Variants in HERC1 observed in about 807,000 individuals in gnomAD.
HERC1 encodes the protein probable E3 ubiquitin-protein ligase HERC1.
In HERC1, 160 loss-of-function variants were observed where a neutral mutation model predicts 554.3. That is an observed-to-expected ratio of 0.29 (90% CI 0.25 to 0.33). The LOEUF (loss-of-function observed/expected upper bound fraction) is 0.33. Ranked by LOEUF, HERC1 falls within the 10% of genes least tolerant of loss-of-function variation. The pLI is 1.00. For missense variants in HERC1, 4,919 were observed against 5,918.5 expected (o/e 0.83, Z 5.54); for synonymous variants, 2,175 against 2,131.7 (o/e 1.02, Z -0.56).
chr15:63,656,721 C>T lies in HERC1; in HGVS notation c.9600-363G>A, dbSNP rs188498894. Among the ~76,000 whole-genome samples the T allele has an allele frequency of 7.2e-5, 11 of 152,290 alleles. No individual in the cohort carries two copies. The East Asian group carries it at 1.9e-3, about 27-fold the overall frequency. ...ACCTGCTTTGGGCTTTTCTCAGTCA[C>T]GATGCTCTCAGAAGTAACCACTATC... On this transcript the variant is annotated intron_variant, in intron 48 of 77. Coordinates refer to ENST00000443617, the MANE Select transcript of HERC1 (RefSeq NM_003922.4).
intron 42 of HERC1, among the ~76,000 whole-genome samples, chr15:63,665,278 A>G (rs2070562772): frequency 6.6e-6 from 1 of 152,220 alleles, no homozygotes; most frequent in Non-Finnish European, 1.5e-5. Context: ...TCATGCCTGT[A>G]ATCCCAGCAC....
chr15:63,665,484 G>A (rs904176204), intron 42 of HERC1, among the ~76,000 whole-genome samples: 3 of 151,986 alleles, frequency 2.0e-5, no homozygotes, highest in African/African-American at 7.3e-5. Context: ...GCAGTGAGCC[G>A]ATATCGCGCC....
intron 48 of HERC1, among the ~76,000 whole-genome samples, 187 bp from the exon 49 acceptor site, chr15:63,656,545 T>C (rs1191407502): frequency 6.6e-6 from 1 of 152,234 alleles, no homozygotes; most frequent in Non-Finnish European, 1.5e-5. Flanking sequence ...AAACGTTCTC[T>C]CCTTTTAATA....
At chr15:63,712,212 G>T (rs2073332502) in intron 24 of HERC1, among the ~76,000 whole-genome samples, 1 of 152,194 alleles carries the variant, frequency 6.6e-6, no homozygotes, top group Admixed American at 6.5e-5. Flanking sequence ...GGCAAGAGGT[G>T]AGGCAACCAG....
At position 63,680,944 on chromosome 15, in the gene HERC1, G is replaced by C. The variant is rs1268066060; in HGVS notation, c.6226-168C>G. 6.6e-6 allele frequency among the ~76,000 whole-genome samples: 1 copy of C among 152,104 alleles called. No individual in the cohort carries two copies. The highest frequency in any genetic ancestry group is 1.5e-5 in the Non-Finnish European group (1 of 68,028). On this transcript the variant is annotated intron_variant, in intron 34 of 77. Transcript: ENST00000443617. The surrounding 1 kb of genome is among the most constrained non-coding windows in gnomAD (Gnocchi z 5.8). ...ACACGAAAATAATCGCATCAATTTA[G>C]AAAGATTTTAAAACATTCTTTATCT...
At chr15:63,726,651 T>G (rs2074051542) in intron 17 of HERC1, among the ~76,000 whole-genome samples, 1 of 152,078 alleles carries the variant, frequency 6.6e-6, no homozygotes, top group African/African-American at 2.4e-5. Context: ...AAACATAAGA[T>G]GGAAGGGAAT....
intron 69 of HERC1, among the ~76,000 whole-genome samples, chr15:63,629,354 G>C (rs2152795166): frequency 6.6e-6 from 1 of 152,330 alleles, no homozygotes; most frequent in South Asian, 2.1e-4. Flanking sequence ...TAGCAGATGA[G>C]TCTTAATGAC....
chr15:63,663,887 C>G (rs1245132080), intron 43 of HERC1, among the ~76,000 whole-genome samples: 1 of 152,220 alleles, frequency 6.6e-6, no homozygotes, highest in Non-Finnish European at 1.5e-5. Flanking sequence ...ATTACTGAAT[C>G]ATTACTCATG....
intron 12 of HERC1, among the ~76,000 whole-genome samples, chr15:63,735,929 C>A (rs1190600816): frequency 6.6e-6 from 1 of 152,056 alleles, no homozygotes; most frequent in East Asian, 1.9e-4. Flanking sequence ...AAGCTAAAAT[C>A]AAATTTTAGC....
intron 34 of HERC1, among the ~76,000 whole-genome samples, chr15:63,685,478 G>A (rs909859971): frequency 6.6e-6 from 1 of 152,186 alleles, no homozygotes; most frequent in African/African-American, 2.4e-5. Flanking sequence ...CTCAGTCCTG[G>A]ACTGGCCAGA....
intron 67 of HERC1, 50 bp from the exon 68 acceptor site, chr15:63,632,861 C>T: frequency 7.6e-7 from 1 of 1,319,396 alleles, no homozygotes; most frequent in East Asian, 2.5e-5. Context: ...AAAAAAATCA[C>T]TCTTGAATTT....
chr15:63,822,592 A>G (rs1160892103), intron 1 of HERC1, among the ~76,000 whole-genome samples: 2 of 152,030 alleles, frequency 1.3e-5, no homozygotes, highest in Non-Finnish European at 2.9e-5. Flanking sequence ...TCTCAAAAAA[A>G]AAAAAATTTT....
chr15:63,661,909 C>T lies in HERC1; in HGVS notation c.9014G>A (p.Ser3005Asn), dbSNP rs1316983915. ...GCTGCGATAGCCCTGGCGGTTTGCA[C>T]TGCGCCCACAGCCTGGATGGTTTCT... The part of the protein sequence containing the change: ...MKRNHPGCGR[S>N]ANRQGYRSNG... The change falls in exon 45 of 78, where the codon AGT becomes AAT. Residue 3005 changes from serine to asparagine, a missense_variant. Coordinates refer to ENST00000443617, the MANE Select transcript of HERC1 (RefSeq NM_003922.4). 3.7e-6 allele frequency: 6 copies of T among 1,614,014 alleles called. No individual in the cohort carries two copies. The highest frequency in any genetic ancestry group is 1.6e-4 in the Middle Eastern group (1 of 6,062).
chr15:63,758,084 C>T lies in HERC1; in HGVS notation c.1221+91G>A. The T allele has an allele frequency of 1.1e-6, 1 of 889,220 alleles. No individual in the cohort carries two copies. Among genetic ancestry groups the T allele is most frequent in the Non-Finnish European group, 1.7e-6 (1 of 588,730 alleles). The allele number at this position is 889,220 out of a possible 1,614,324, so 55.1% of individuals were successfully genotyped here. On this transcript the variant is annotated intron_variant, in intron 4 of 77. Coordinates refer to ENST00000443617, the MANE Select transcript of HERC1 (RefSeq NM_003922.4). This position sits in a 1 kb window ranked among gnomAD's most constrained non-coding sequence, Gnocchi z 4.0. ...GAAATAACCATCGATAATTTTCACTCATTTAAAAAATACTCAGTATTATTT... is the reference window on the plus strand; with the variant it reads ...GAAATAACCATCGATAATTTTCACTTATTTAAAAAATACTCAGTATTATTT...
Position 63,659,740 on chromosome 15 carries a change from T to G in HERC1, c.9420A>C (p.Gln3140His), listed in dbSNP as rs1308184335. 1 of 1,611,638 alleles carries G rather than the reference T, an allele frequency of 6.2e-7. No individual in the cohort carries two copies. The highest frequency in any genetic ancestry group is 1.3e-5 in the African/African-American group (1 of 75,006). Residue 3140 changes from glutamine (Q) to histidine (H), a missense_variant, in exon 47 of 78, where the codon CAA becomes CAC. Gln to His is a conservative substitution (Grantham distance 24). Transcript: ENST00000443617. ...CAAATCAGGATTTCAGTTTACCTAT[T>G]TGCATCAGAGTCTCTTCCATACTGT... ...ATNSMEETLM[Q>H]IGCHGSVEKS...
intron 3 of HERC1, among the ~76,000 whole-genome samples, chr15:63,762,906 C>T (rs919688027): frequency 3.3e-5 from 5 of 152,206 alleles, no homozygotes; most frequent in Admixed American, 6.5e-5. Context: ...CTCCTTGCTT[C>T]TAGCTCTCCT....
At chr15:63,777,534 T>G (rs2076150035) in intron 1 of HERC1, among the ~76,000 whole-genome samples, 2 of 152,236 alleles carry the variant, frequency 1.3e-5, no homozygotes, top group Non-Finnish European at 2.9e-5. Flanking sequence ...TCTGAACATC[T>G]TATGTTTGTT....
At chr15:63,828,070 T>C (rs950336794) in intron 1 of HERC1, among the ~76,000 whole-genome samples, 11 of 152,192 alleles carry the variant, frequency 7.2e-5, no homozygotes, top group African/African-American at 2.7e-4. Context: ...CTTGTGAATA[T>C]ACTAGAAACC....
At chr15:63,615,946 T>C (rs1189205900) in intron 75 of HERC1, 26 bp from the exon 76 acceptor site, 1 of 1,550,576 alleles carries the variant, frequency 6.4e-7, no homozygotes. Flanking sequence ...AACAGAATTT[T>C]TATTACATGG....
Sources: allele counts gnomAD v4.1 joint callset (sites outside exome capture counted in the v4.1 genomes callset), GRCh38; gene constraint gnomAD v4.1.1; non-coding constraint Gnocchi (gnomAD v3.1); transcripts MANE v1.5; gene names NCBI Gene and HGNC (gene_info 2026-07-23, HGNC 2026-07-21).